The following KIFAP3 variants were observed in gnomAD, a reference collection of about 807,000 sequenced individuals.
The protein encoded by KIFAP3 is kinesin-associated protein 3.
In KIFAP3, 68 loss-of-function variants were observed where a neutral mutation model predicts 106.5. That is an observed-to-expected ratio of 0.64 (90% confidence interval 0.53 to 0.78). KIFAP3 has a LOEUF of 0.78. Among genes scored for constraint, KIFAP3 ranks in the 30% least tolerant of loss-of-function variants. The pLI is 0.00. For missense variants in KIFAP3, 780 were observed against 941.8 expected (o/e 0.83, Z 2.25); for synonymous variants, 320 against 311.5 (o/e 1.03, Z -0.29).
intron 19 of KIFAP3, among the ~76,000 whole-genome samples, chr1:169,944,056 C>G (rs1020091931): frequency 6.6e-6 from 1 of 152,200 alleles, no homozygotes; most frequent in Non-Finnish European, 1.5e-5. Flanking sequence ...GCTGGCGGCA[C>G]CTTCTCCCTG....
At chr1:169,972,655 T>C in intron 16 of KIFAP3, 57 bp from the exon 17 acceptor site, 1 of 802,498 alleles carries the variant, frequency 1.2e-6, no homozygotes, top group Non-Finnish European at 2.0e-6. Flanking sequence ...TAGTCAATAA[T>C]ACTACAAAAA....
At chr1:170,014,781 T>C (rs564872705) in intron 10 of KIFAP3, among the ~76,000 whole-genome samples, 2 of 152,324 alleles carry the variant, frequency 1.3e-5, no homozygotes, top group Non-Finnish European at 1.5e-5. Flanking sequence ...GCAACATTTA[T>C]AGAATGTCTA....
At chr1:169,943,192 A>T (rs1359703948) in intron 19 of KIFAP3, among the ~76,000 whole-genome samples, 1 of 152,166 alleles carries the variant, frequency 6.6e-6, no homozygotes, top group African/African-American at 2.4e-5. Context: ...GTAATAGCAC[A>T]TCTGTAAAGA....
rs999590352 is a variant in KIFAP3 at position 170,008,308 on chromosome 1, A to G, written c.1183+8154T>C. 2.0e-5 allele frequency among the ~76,000 whole-genome samples: 3 copies of G among 151,738 alleles called. 1 individual carries two copies. Among genetic ancestry groups the G allele is most frequent in the African/African-American group, 7.3e-5 (3 of 41,180 alleles). On this transcript the variant is annotated intron_variant, in intron 10 of 19. Transcript: ENST00000361580. ...CTAAAGAGCTTCTGTACAGCAAAAGAAACTATCATCAGAGTGAACAGGCAA... is the reference window on the plus strand; with the variant it reads ...CTAAAGAGCTTCTGTACAGCAAAAGGAACTATCATCAGAGTGAACAGGCAA...
chr1:170,078,947 A>G (rs1671971278), upstream of KIFAP3, among the ~76,000 whole-genome samples: 2 of 152,368 alleles, frequency 1.3e-5, no homozygotes, highest in Non-Finnish European at 1.5e-5. Flanking sequence ...GAATGCTATG[A>G]CCAAATGGGG....
intron 9 of KIFAP3, among the ~76,000 whole-genome samples, chr1:170,020,248 A>G (rs976369135): frequency 6.6e-6 from 1 of 152,210 alleles, no homozygotes; most frequent in African/African-American, 2.4e-5. Flanking sequence ...TGCAACCCCA[A>G]TGATTTTAAA....
At chr1:170,018,372 A>G (rs1398329046) in intron 9 of KIFAP3, among the ~76,000 whole-genome samples, 16 of 152,144 alleles carry the variant, frequency 1.1e-4, no homozygotes, top group Admixed American at 1.0e-3. Context: ...CATTAAGAGA[A>G]CTTACTTTAT....
rs578000303 is a variant in KIFAP3, at chr1:170,019,375, G to C, written c.1021-2751C>G. 2.5e-3 allele frequency among the ~76,000 whole-genome samples: 384 copies of C among 152,120 alleles called. 2 individuals carry two copies. Among genetic ancestry groups the C allele is most frequent in the African/African-American group, 8.8e-3 (366 of 41,528 alleles). On this transcript the variant is annotated intron_variant, in intron 9 of 19. Transcript: ENST00000361580. ...TAATAAAACCAGACCAAGACATTAG[G>C]AGAAAAGAAAACTATAGAATAATGC...
chr1:170,013,506 A>G (rs1308454008), intron 10 of KIFAP3, among the ~76,000 whole-genome samples: 1 of 149,548 alleles, frequency 6.7e-6, no homozygotes, highest in Non-Finnish European at 1.5e-5. Flanking sequence ...TAAAATACAT[A>G]TATATATGTA....
At chr1:170,071,351 G>A (rs1406300470) in intron 1 of KIFAP3, among the ~76,000 whole-genome samples, 4 of 152,098 alleles carry the variant, frequency 2.6e-5, no homozygotes, top group African/African-American at 9.7e-5. Flanking sequence ...ACCACCAGAT[G>A]AGCAATAAAC....
At chr1:170,069,190 G>T (rs1363296276) in intron 1 of KIFAP3, among the ~76,000 whole-genome samples, 2 of 151,998 alleles carry the variant, frequency 1.3e-5, no homozygotes, top group Non-Finnish European at 2.9e-5. Context: ...AATCTGAACA[G>T]AATTAGAAGT....
intron 19 of KIFAP3, among the ~76,000 whole-genome samples, chr1:169,931,678 ATTGT>A (rs1413949915): frequency 9.2e-5 from 14 of 152,320 alleles, no homozygotes; most frequent in South Asian, 2.1e-4. Context: ...CCTTTAAATA[ATTGT>A]TTGTCTGTTA....
intron 3 of KIFAP3, 48 bp downstream of exon 3, chr1:170,046,664 C>A (rs1355095117): frequency 1.0e-5 from 14 of 1,392,352 alleles, no homozygotes; most frequent in African/African-American, 5.9e-5. Flanking sequence ...GAACTATAAT[C>A]AAACAACTTT....
At chr1:170,078,333 A>G (rs1004635719), upstream of KIFAP3, among the ~76,000 whole-genome samples, 1 of 152,078 alleles carries the variant, frequency 6.6e-6, no homozygotes, top group Non-Finnish European at 1.5e-5. Flanking sequence ...TCATATGTTT[A>G]ATTACCATTT....
intron 11 of KIFAP3, among the ~76,000 whole-genome samples, chr1:169,991,464 C>A (rs1258604261): frequency 2.0e-5 from 3 of 151,832 alleles, no homozygotes; most frequent in Non-Finnish European, 4.4e-5. Flanking sequence ...CATGGAAATG[C>A]AAATAAAAAG....
chr1:170,056,095 G>T (rs1053873639), intron 1 of KIFAP3, among the ~76,000 whole-genome samples: 2 of 150,940 alleles, frequency 1.3e-5, no homozygotes, highest in African/African-American at 4.9e-5. Flanking sequence ...GCAATAGAAC[G>T]AAACTCTGTC....
intron 8 of KIFAP3, 105 bp from the exon 9 acceptor site, chr1:170,024,701 A>G: frequency 1.6e-6 from 1 of 633,666 alleles, no homozygotes; most frequent in Non-Finnish European, 2.4e-6. Context: ...CTAAAAAGGT[A>G]ATATATTATT....
intron 19 of KIFAP3, among the ~76,000 whole-genome samples, chr1:169,933,551 G>A (rs1663616789): frequency 6.6e-6 from 1 of 151,972 alleles, no homozygotes; most frequent in Non-Finnish European, 1.5e-5. Flanking sequence ...AAAGAATAGG[G>A]CTAAGCATCC....
intron 11 of KIFAP3, among the ~76,000 whole-genome samples, chr1:169,990,940 A>G (rs1293347541): frequency 6.6e-6 from 1 of 152,166 alleles, no homozygotes; most frequent in Non-Finnish European, 1.5e-5. Flanking sequence ...AACAAAATTA[A>G]AAGACATGTG....
Sources: allele counts gnomAD v4.1 joint callset (sites outside exome capture counted in the v4.1 genomes callset), GRCh38; gene constraint gnomAD v4.1.1; transcripts MANE v1.5; gene names NCBI Gene and HGNC (gene_info 2026-07-23, HGNC 2026-07-21).